Variants in KCNJ3 observed in about 807,000 individuals in gnomAD.
KCNJ3 encodes the protein potassium inwardly rectifying channel subfamily J member 3.
In KCNJ3, 4 loss-of-function variants were observed where a neutral mutation model predicts 39.2. The observed-to-expected ratio is 0.10, with a 90% CI of 0.05 to 0.23. The LOEUF (loss-of-function observed/expected upper bound fraction) is 0.23, where lower values mean the gene tolerates loss of function less well. Ranked by LOEUF, KCNJ3 falls within the 10% of genes least tolerant of loss-of-function variation. KCNJ3 has a pLI of 1.00. For synonymous variants in KCNJ3, 230 were observed against 237.4 expected (o/e 0.97, Z 0.29); for missense variants, 276 against 634.9 (o/e 0.43, Z 6.08).
In KCNJ3 at chr2:154,706,141, T is replaced by C. The variant is rs546927457; in HGVS notation, c.703-3462T>C. ...TAATTTACTGCATAAATCTTAACTT[T>C]TAGCGATCGCTTTGAATTTGAAAAT... is the stretch of plus-strand genomic sequence containing the variant. On this transcript the variant is annotated intron_variant, in intron 1 of 2. Coordinates refer to ENST00000295101, the MANE Select transcript of KCNJ3 (RefSeq NM_002239.4). 1.6e-3 allele frequency among the ~76,000 whole-genome samples: 244 copies of C among 152,258 alleles called. 2 individuals carry two copies. The highest frequency in any genetic ancestry group is 2.8e-3 in the Non-Finnish European group (189 of 67,982).
intron 2 of KCNJ3, among the ~76,000 whole-genome samples, chr2:154,850,272 G>T (rs934546030): frequency 2.0e-5 from 3 of 151,570 alleles, no homozygotes; most frequent in African/African-American, 7.3e-5. Flanking sequence ...AATTCAAATG[G>T]CATTTGCAAT....
intron 2 of KCNJ3, among the ~76,000 whole-genome samples, chr2:154,717,385 G>A (rs1401881293): frequency 1.3e-5 from 2 of 152,168 alleles, no homozygotes; most frequent in Non-Finnish European, 2.9e-5. Context: ...ATAGAAAGAT[G>A]CCTCTGGCTC....
chr2:154,844,023 C>T (rs555058463), intron 2 of KCNJ3, among the ~76,000 whole-genome samples: 2 of 152,262 alleles, frequency 1.3e-5, no homozygotes, highest in East Asian at 3.9e-4. Flanking sequence ...GAGAACAGGC[C>T]CTCTGATTTT....
chr2:154,808,418 T>G (rs1473551325), intron 2 of KCNJ3, among the ~76,000 whole-genome samples: 5 of 152,204 alleles, frequency 3.3e-5, no homozygotes, highest in Non-Finnish European at 5.9e-5. Context: ...TGAGGTGGAT[T>G]ACACTCTCCT....
chr2:154,729,587 G>A (rs1470188287), intron 2 of KCNJ3, among the ~76,000 whole-genome samples: 2 of 152,064 alleles, frequency 1.3e-5, no homozygotes, highest in Non-Finnish European at 2.9e-5. Flanking sequence ...GTGTTTTTCA[G>A]TAGCTTAATC....
intron 2 of KCNJ3, among the ~76,000 whole-genome samples, chr2:154,786,532 G>A (rs923631526): frequency 1.3e-5 from 2 of 152,038 alleles, no homozygotes; most frequent in South Asian, 2.1e-4. Flanking sequence ...AATGTCACTC[G>A]CCATGTTGTT....
intron 2 of KCNJ3, among the ~76,000 whole-genome samples, chr2:154,756,880 T>C (rs892642456): frequency 4.6e-5 from 7 of 152,082 alleles, no homozygotes; most frequent in South Asian, 2.1e-4. Context: ...CTAAGACATT[T>C]GTACTGTAGA....
chr2:154,716,214 G>A (rs951851636), intron 2 of KCNJ3, among the ~76,000 whole-genome samples: 6 of 150,934 alleles, frequency 4.0e-5, no homozygotes, highest in South Asian at 2.1e-4. Context: ...GGTTCATGCC[G>A]TTCTCCTGCC....
At chr2:154,751,718 A>C (rs946482637) in intron 2 of KCNJ3, among the ~76,000 whole-genome samples, 1 of 152,164 alleles carries the variant, frequency 6.6e-6, no homozygotes, top group African/African-American at 2.4e-5. Flanking sequence ...AGAAATAGAA[A>C]TTTGTTTTTT....
At chr2:154,725,469 T>C (rs1046119991) in intron 2 of KCNJ3, among the ~76,000 whole-genome samples, 10 of 152,110 alleles carry the variant, frequency 6.6e-5, no homozygotes, top group Admixed American at 4.6e-4. Context: ...CTTCCATTTT[T>C]CATTTCCCCA....
intron 2 of KCNJ3, among the ~76,000 whole-genome samples, chr2:154,800,050 G>A (rs1262105717): frequency 6.6e-6 from 1 of 152,150 alleles, no homozygotes; most frequent in Non-Finnish European, 1.5e-5. Context: ...AAGGAATTTG[G>A]TGGATTTATC....
chr2:154,698,997 G>C lies in KCNJ3; in HGVS notation c.222G>C (p.Thr74=). 3 of 1,614,202 alleles carry C rather than the reference G, an allele frequency of 1.9e-6. No homozygotes were observed. Among genetic ancestry groups the C allele is most frequent in the Non-Finnish European group, 2.5e-6 (3 of 1,180,038 alleles). ...TSRYLSDLFT[T]LVDLKWRWNL... Reference sequence around the variant, plus strand: ...GCTACCTCTCGGACCTCTTCACCACGCTGGTGGACCTCAAGTGGCGCTGGA... The same window carrying C: ...GCTACCTCTCGGACCTCTTCACCACCCTGGTGGACCTCAAGTGGCGCTGGA... Residue 74 remains threonine (T), a synonymous_variant, in exon 1 of 3, where the codon ACG becomes ACC. Transcript: ENST00000295101.
At chr2:154,734,566 G>C (rs561440653) in intron 2 of KCNJ3, among the ~76,000 whole-genome samples, 1 of 152,316 alleles carries the variant, frequency 6.6e-6, no homozygotes, top group African/African-American at 2.4e-5. Flanking sequence ...TTGATGGCTA[G>C]AATGGAGAGC....
intron 2 of KCNJ3, among the ~76,000 whole-genome samples, chr2:154,753,721 G>C (rs919958533): frequency 6.7e-6 from 1 of 148,532 alleles, no homozygotes; most frequent in East Asian, 2.0e-4. Context: ...GCTGACTGTG[G>C]CATTTATAAG....
chr2:154,785,728 A>G (rs1686518551), intron 2 of KCNJ3, among the ~76,000 whole-genome samples: 1 of 152,188 alleles, frequency 6.6e-6, no homozygotes, highest in South Asian at 2.1e-4. Context: ...ATATTCTATT[A>G]TAGCAACAAA....
At chr2:154,788,950 A>G (rs979406110) in intron 2 of KCNJ3, among the ~76,000 whole-genome samples, 1 of 152,038 alleles carries the variant, frequency 6.6e-6, no homozygotes, top group African/African-American at 2.4e-5. Flanking sequence ...AAGCCGTGTT[A>G]TCTGTTCTTG....
chr2:154,740,659 T>A (rs899905563), intron 2 of KCNJ3, among the ~76,000 whole-genome samples: 2 of 151,948 alleles, frequency 1.3e-5, no homozygotes, highest in African/African-American at 4.8e-5. Flanking sequence ...TTTTAAAGAG[T>A]CTGTTTTAGC....
At chr2:154,741,543 A>T (rs1457546791) in intron 2 of KCNJ3, among the ~76,000 whole-genome samples, 1 of 151,532 alleles carries the variant, frequency 6.6e-6, no homozygotes, top group Non-Finnish European at 1.5e-5. Context: ...TGTTTTTGGG[A>T]TGTGGTCATT....
At chr2:154,729,989 C>T (rs1387790093) in intron 2 of KCNJ3, among the ~76,000 whole-genome samples, 1 of 151,908 alleles carries the variant, frequency 6.6e-6, no homozygotes, top group East Asian at 1.9e-4. Context: ...CTCCTCTTAC[C>T]CTCCTTTACC....
Sources: gnomAD v4.1 joint callset for allele counts (sites outside exome capture counted in the v4.1 genomes callset) on GRCh38, gnomAD v4.1.1 for gene constraint, MANE v1.5 for transcripts, NCBI Gene and HGNC (gene_info 2026-07-23, HGNC 2026-07-21) for gene names.